ATG13: variants seen among roughly 807,000 people sequenced by gnomAD.
ATG13 encodes the protein autophagy related 13.
In ATG13, 23 loss-of-function variants were observed where a neutral mutation model predicts 65.5. That is an observed-to-expected ratio of 0.35 (90% CI 0.25 to 0.50). The LOEUF is 0.50. Ranked by LOEUF, ATG13 falls within the 20% of genes least tolerant of loss-of-function variation. The pLI, the probability that ATG13 is intolerant of heterozygous loss-of-function variation, is 0.98. For synonymous variants in ATG13, 252 were observed against 245.2 expected, an observed-to-expected ratio of 1.03 and a Z score of -0.26; for missense variants, 566 against 677.0, an observed-to-expected ratio of 0.84 and a Z score of 1.82.
chr11:46,670,762 A>G (rs1442386923), intron 18 of ATG13, among the ~76,000 whole-genome samples: 4 of 152,096 alleles, frequency 2.6e-5, no homozygotes, highest in Non-Finnish European at 4.4e-5. Flanking sequence ...GGAGTGAGCC[A>G]TGTTTGCGCC....
In ATG13 at chr11:46,628,475, T is replaced by A. The variant is rs1021284308; in HGVS notation, c.-69-1570T>A. 6.6e-5 allele frequency among the ~76,000 whole-genome samples: 10 copies of A among 152,222 alleles called. No homozygotes were observed. The East Asian group carries it at 7.7e-4, about 12-fold the overall frequency. The stretch of plus-strand genomic sequence containing the variant: ...TTTGTCAGCAAATAGTTTTTTTTTT[T>A]AATTACAGGTAAAACATTCTATTAT... On this transcript the variant is annotated intron_variant, in intron 1 of 18. Coordinates refer to ENST00000683050, the MANE Select transcript of ATG13 (RefSeq NM_001346311.2).
chr11:46,649,110 A>G (rs2058376012), intron 5 of ATG13, 27 bp from the exon 6 acceptor site: 1 of 1,600,290 alleles, frequency 6.2e-7, no homozygotes, highest in Admixed American at 1.7e-5. Context: ...TTTTTAAACA[A>G]ATATTTTAAA....
chr11:46,617,758 T>G lies in ATG13; in HGVS notation c.-202T>G, dbSNP rs1040506366. On this transcript the variant is annotated 5_prime_UTR_variant, in exon 1 of 19. Coordinates refer to ENST00000683050, the MANE Select transcript of ATG13 (RefSeq NM_001346311.2). Reference sequence around the variant, plus strand: ...CAGGACCCTTCTGAAGCCTTAGGTGTCTATCGGCGACGTGTACGGTCACTG... The same window carrying G: ...CAGGACCCTTCTGAAGCCTTAGGTGGCTATCGGCGACGTGTACGGTCACTG... 4.8e-5 allele frequency: 19 copies of G among 398,780 alleles called. No individual in the cohort carries two copies. The highest frequency in any genetic ancestry group is 7.1e-5 in the Non-Finnish European group (16 of 226,056). 24.7% of individuals were successfully genotyped at this position (398,780 alleles called of 1,614,324 possible).
chr11:46,639,709 T>C (rs2055229602), intron 2 of ATG13, among the ~76,000 whole-genome samples: 1 of 151,902 alleles, frequency 6.6e-6, no homozygotes, highest in Non-Finnish European at 1.5e-5. Context: ...AGTGTGGAGA[T>C]CATTGGTCAA....
intron 2 of ATG13, among the ~76,000 whole-genome samples, chr11:46,635,596 C>T (rs904806527): frequency 6.6e-6 from 1 of 152,118 alleles, no homozygotes; most frequent in Admixed American, 6.6e-5. Flanking sequence ...ATCAAATTTA[C>T]CTTTGTATTC....
chr11:46,649,108 CA>C (rs770755752), intron 5 of ATG13, 28 bp from the exon 6 acceptor site: 10 of 1,593,478 alleles, frequency 6.3e-6, no homozygotes, highest in Non-Finnish European at 7.7e-6. Context: ...ATTTTTTAAA[CA>C]AATATTTTAA....
intron 1 of ATG13, among the ~76,000 whole-genome samples, chr11:46,619,177 C>G (rs2135504376): frequency 6.6e-6 from 1 of 152,064 alleles, no homozygotes; most frequent in South Asian, 2.1e-4. Flanking sequence ...CCAATAAAAA[C>G]TGAAAATATT....
intron 4 of ATG13, 131 bp downstream of exon 4, chr11:46,645,550 C>A (rs1282933042): frequency 8.5e-6 from 7 of 825,396 alleles, no homozygotes; most frequent in Non-Finnish European, 1.3e-5. Flanking sequence ...TCCATTTGAT[C>A]CATTTACTTG....
In ATG13 at chr11:46,674,341, A is replaced by G. The variant is rs1375772100; in HGVS notation, c.*2009A>G. ...GCCCCTCAGACCTGCCATGAAAGGA[A>G]TGAGCCCTAGACTGACTCCTGCAGC... On this transcript the variant is annotated 3_prime_UTR_variant, in exon 19 of 19. Transcript: ENST00000683050. 1 of 152,272 alleles carries G rather than the reference A, an allele frequency of 6.6e-6. No individual in the cohort carries two copies. Among genetic ancestry groups the G allele is most frequent in the African/African-American group, 2.4e-5 (1 of 41,426 alleles). The allele number at this position is 152,272 out of a possible 1,614,324, so 9.4% of individuals were successfully genotyped here.
chr11:46,657,560 T>C lies in ATG13; in HGVS notation c.633T>C (p.Ile211=). Residue 211 remains isoleucine, a synonymous_variant, in exon 10 of 19, where the codon ATT becomes ATC. Coordinates refer to ENST00000683050, the MANE Select transcript of ATG13 (RefSeq NM_001346311.2). ...GGACCCCACCTATCATGGGGATTATTATTGATCACTTTGTGGACCGTCCCT... is the reference window on the plus strand; with the variant it reads ...GGACCCCACCTATCATGGGGATTATCATTGATCACTTTGTGGACCGTCCCT... ...FERTPPIMGI[I]IDHFVDRPYP... is the part of the protein sequence containing the mutation. 1 of 1,614,104 alleles carries C rather than the reference T, an allele frequency of 6.2e-7. No individual in the cohort carries two copies. The highest frequency in any genetic ancestry group is 8.5e-7 in the Non-Finnish European group (1 of 1,179,976).
At chr11:46,656,585 A>G (rs2136688840) in intron 8 of ATG13, among the ~76,000 whole-genome samples, 1 of 152,350 alleles carries the variant, frequency 6.6e-6, no homozygotes, top group Admixed American at 6.5e-5. Context: ...AAAATTGGAA[A>G]TGAAACCAAG....
chr11:46,668,086 C>T (rs113082320), intron 15 of ATG13, among the ~76,000 whole-genome samples, 199 bp downstream of exon 15: 32 of 152,308 alleles, frequency 2.1e-4, no homozygotes, highest in African/African-American at 7.5e-4. Flanking sequence ...GAACTATTGT[C>T]CTGTGACCTT....
rs1491368809 is a variant in ATG13, at chr11:46,622,128, T to TA, written c.-70+4238_-70+4239insA. ...ATATATATATATATATATATATATA[T>TA]TTATTTTAGAGATGGTATTTGCCCT... On this transcript the variant is annotated intron_variant, in intron 1 of 18. Coordinates refer to ENST00000683050, the MANE Select transcript of ATG13 (RefSeq NM_001346311.2). Among the ~76,000 whole-genome samples, 32 of 109,754 alleles carry TA rather than the reference T, an allele frequency of 2.9e-4. No individual in the cohort carries two copies. In the East Asian group the frequency reaches 4.7e-3, roughly 16 times the overall value. 72.0% of individuals were successfully genotyped at this position (109,754 alleles called of 152,430 possible). A position where few individuals can be genotyped will look rare whatever the true frequency, so the allele number is the denominator to read the frequency against.
At chr11:46,657,379 G>T in intron 9 of ATG13, 145 bp from the exon 10 acceptor site, 4 of 958,804 alleles carry the variant, frequency 4.2e-6, no homozygotes, top group Non-Finnish European at 6.4e-6. Flanking sequence ...CAGAACGTAG[G>T]ATTGGTGGTT....
intron 11 of ATG13, among the ~76,000 whole-genome samples, chr11:46,663,060 TCG>T (rs2136960435): frequency 6.6e-6 from 1 of 152,104 alleles, no homozygotes; most frequent in African/African-American, 2.4e-5. Context: ...GGTCAGGAGA[TCG>T]AGACCATCCT....
intron 2 of ATG13, among the ~76,000 whole-genome samples, chr11:46,631,299 G>C (rs2051649348): frequency 6.6e-6 from 1 of 152,104 alleles, no homozygotes; most frequent in Admixed American, 6.6e-5. Context: ...CAAGTAATCT[G>C]TCCACCTCGG....
chr11:46,628,464 G>GT (rs563593069), intron 1 of ATG13, among the ~76,000 whole-genome samples: 100 of 146,998 alleles, frequency 6.8e-4, no homozygotes, highest in South Asian at 3.0e-3. Context: ...TCAGCAAATA[G>GT]TTTTTTTTTT....
chr11:46,666,001 C>A (rs2062264789), intron 14 of ATG13, among the ~76,000 whole-genome samples: 1 of 151,842 alleles, frequency 6.6e-6, no homozygotes, highest in Admixed American at 6.6e-5. Flanking sequence ...GATGGGGGGT[C>A]TCGTCATATT....
chr11:46,660,565 C>T (rs567472914), intron 11 of ATG13, among the ~76,000 whole-genome samples: 14 of 151,850 alleles, frequency 9.2e-5, no homozygotes, highest in Middle Eastern at 6.8e-3. Flanking sequence ...CCCGCCACCA[C>T]GCCTGGCTAA....
Sources: allele counts gnomAD v4.1 joint callset (sites outside exome capture counted in the v4.1 genomes callset), GRCh38; gene constraint gnomAD v4.1.1; transcripts MANE v1.5; gene names NCBI Gene and HGNC (gene_info 2026-07-23, HGNC 2026-07-21).